Variants in TRIQK observed in about 807,000 individuals in gnomAD.
TRIQK encodes the protein triple QxxK/R motif containing.
A neutral mutation model predicts 10.8 loss-of-function variants in TRIQK; 10 were observed. The ratio of observed to expected loss-of-function variants is 0.92; its 90% CI spans 0.57 to 1.57. The LOEUF (loss-of-function observed/expected upper bound fraction) is 1.57. Ranked by LOEUF, TRIQK falls within the 40% of genes most tolerant of loss-of-function variation. TRIQK has a pLI of 0.00. For missense variants in TRIQK, 107 were observed against 97.7 expected (o/e 1.09, Z -0.40); for synonymous variants, 33 against 33.7 (o/e 0.98, Z 0.07).
At chr8:92,894,843 C>G (rs536142518) in intron 3 of TRIQK, among the ~76,000 whole-genome samples, 1 of 151,968 alleles carries the variant, frequency 6.6e-6, no homozygotes, top group Admixed American at 6.6e-5. Flanking sequence ...GTTAGAATCC[C>G]TTTGTTTAGT....
intron 1 of TRIQK, chr8:92,973,600 C>T (rs1291876192): frequency 6.6e-6 from 1 of 152,054 alleles, no homozygotes; most frequent in Non-Finnish European, 1.5e-5. Context: ...AAAAGATATA[C>T]AAAGGTTGAC....
At chr8:92,962,277 A>G (rs967326834) in intron 1 of TRIQK, among the ~76,000 whole-genome samples, 50 of 152,304 alleles carry the variant, frequency 3.3e-4, no homozygotes, top group African/African-American at 1.0e-3. Context: ...TCTAAGTAAT[A>G]TTGTTTAAGA....
rs188679230 is a variant in TRIQK, at chr8:92,884,627, G to A, written c.*1995C>T. ...ATGGTAAAGTTTTTTTCAGGATAAT[G>A]AATTTTCAAACATTTCCAAGACCAT... On this transcript the variant is annotated 3_prime_UTR_variant, in exon 5 of 5. Coordinates refer to ENST00000521988, the MANE Select transcript of TRIQK (RefSeq NM_001171797.2). The A allele has an allele frequency of 1.2e-5, 4 of 326,884 alleles. No homozygotes were observed. The Admixed American group carries it at 1.6e-4, about 13-fold the overall frequency. The allele number at this position is 326,884 out of a possible 1,614,324, so 20.2% of individuals were successfully genotyped here. A position where few individuals can be genotyped will look rare whatever the true frequency, so the allele number is the denominator to read the frequency against.
chr8:92,932,831 A>T (rs1810804028), intron 2 of TRIQK, among the ~76,000 whole-genome samples: 1 of 152,074 alleles, frequency 6.6e-6, no homozygotes, highest in Non-Finnish European at 1.5e-5. Flanking sequence ...TAAAATTTTG[A>T]TTCCCAAATT....
chr8:92,938,736 C>A (rs899862793), intron 2 of TRIQK, among the ~76,000 whole-genome samples: 1 of 152,112 alleles, frequency 6.6e-6, no homozygotes, highest in Non-Finnish European at 1.5e-5. Flanking sequence ...AATGTTACTG[C>A]AATATCTTCA....
At chr8:92,905,165 T>C (rs1375271503) in intron 3 of TRIQK, among the ~76,000 whole-genome samples, 1 of 150,530 alleles carries the variant, frequency 6.6e-6, no homozygotes, top group Non-Finnish European at 1.5e-5. Flanking sequence ...AAAAAAAAAC[T>C]GAGAATAATT....
At chr8:92,934,871 T>G (rs1211160487) in intron 2 of TRIQK, among the ~76,000 whole-genome samples, 3 of 151,808 alleles carry the variant, frequency 2.0e-5, no homozygotes, top group Non-Finnish European at 4.4e-5. Context: ...TTAATGGAAA[T>G]AAGCACTAGG....
chr8:92,897,260 G>A (rs1051808694), intron 3 of TRIQK, among the ~76,000 whole-genome samples: 4 of 152,122 alleles, frequency 2.6e-5, no homozygotes, highest in East Asian at 1.9e-4. Context: ...ATTTTGAGTC[G>A]ATACTGGAAG....
intron 2 of TRIQK, among the ~76,000 whole-genome samples, chr8:92,942,594 T>C (rs1811323488): frequency 6.6e-6 from 1 of 152,116 alleles, no homozygotes. Context: ...AAAGGAAGAA[T>C]TTAAATTGTG....
At chr8:92,891,915 T>C (rs1303620556) in intron 4 of TRIQK, 74 bp downstream of exon 4, 2 of 1,042,760 alleles carry the variant, frequency 1.9e-6, no homozygotes, top group Non-Finnish European at 2.7e-6. Flanking sequence ...GAATTCAACA[T>C]TTATGCAATC....
intron 2 of TRIQK, among the ~76,000 whole-genome samples, chr8:92,943,356 G>A (rs1254434136): frequency 6.6e-6 from 1 of 152,064 alleles, no homozygotes. Flanking sequence ...AAAACACCCT[G>A]AATAGCCAAA....
chr8:92,906,664 T>C (rs13276950), intron 3 of TRIQK, among the ~76,000 whole-genome samples: 1 of 149,698 alleles, frequency 6.7e-6, no homozygotes, highest in Non-Finnish European at 1.5e-5. Context: ...TCTTCCTTTA[T>C]GCCAAATCAC....
chr8:92,934,670 A>C (rs941931287), intron 2 of TRIQK, among the ~76,000 whole-genome samples: 4 of 151,934 alleles, frequency 2.6e-5, no homozygotes, highest in African/African-American at 9.6e-5. Flanking sequence ...TCGAAGTCCC[A>C]GGTGATTATA....
intron 3 of TRIQK, among the ~76,000 whole-genome samples, chr8:92,902,993 A>G: frequency 6.6e-6 from 1 of 151,882 alleles, no homozygotes; most frequent in East Asian, 1.9e-4. Flanking sequence ...ATTTTTATTC[A>G]ATTTCTTATT....
chr8:92,913,313 T>C (rs1026938125), intron 3 of TRIQK, among the ~76,000 whole-genome samples: 5 of 151,972 alleles, frequency 3.3e-5, no homozygotes, highest in African/African-American at 1.2e-4. Context: ...GCAAAGGATA[T>C]GAACAGACAC....
chr8:92,890,035 T>C (rs1816681317), intron 4 of TRIQK, among the ~76,000 whole-genome samples: 1 of 151,952 alleles, frequency 6.6e-6, no homozygotes, highest in African/African-American at 2.4e-5. Flanking sequence ...AATATGCTTG[T>C]TGTTCATTAG....
chr8:92,964,770 C>T (rs1812648984), intron 1 of TRIQK: 1 of 151,922 alleles, frequency 6.6e-6, no homozygotes, highest in Non-Finnish European at 1.5e-5. Flanking sequence ...ACTTTCACAA[C>T]CAATTATTCC....
chr8:92,967,846 G>C (rs994005781), upstream of TRIQK, among the ~76,000 whole-genome samples: 13 of 143,282 alleles, frequency 9.1e-5, no homozygotes, highest in Non-Finnish European at 2.0e-4. Flanking sequence ...AAAAAAATTA[G>C]TTTTAGACTA....
chr8:92,967,410 C>T (rs1812795008), upstream of TRIQK, among the ~76,000 whole-genome samples: 1 of 152,104 alleles, frequency 6.6e-6, no homozygotes, highest in South Asian at 2.1e-4. Flanking sequence ...AATAATTTTA[C>T]ACTCTTGACC....
Sources: gnomAD v4.1 joint callset for allele counts (sites outside exome capture counted in the v4.1 genomes callset) on GRCh38, gnomAD v4.1.1 for gene constraint, MANE v1.5 for transcripts, NCBI Gene and HGNC (gene_info 2026-07-23, HGNC 2026-07-21) for gene names.